The following NEK7 variants were observed in gnomAD, a reference collection of about 807,000 sequenced individuals.
NEK7 encodes NIMA related kinase 7.
In NEK7, 18 loss-of-function variants were observed where a neutral mutation model predicts 44.6. That is an observed-to-expected ratio of 0.40 (90% CI 0.28 to 0.60). The LOEUF (loss-of-function observed/expected upper bound fraction) is 0.60. Among genes scored for constraint, NEK7 ranks in the 20% least tolerant of loss-of-function variants. The probability of loss-of-function intolerance (pLI) is 0.38; values close to 1 mark genes in which losing one functional copy is unlikely to be tolerated. For missense variants in NEK7, 256 were observed against 366.5 expected, an observed-to-expected ratio of 0.70 and a Z score of 2.46; for synonymous variants, 130 against 121.1, an observed-to-expected ratio of 1.07 and a Z score of -0.48.
chr1:198,196,236 G>A (rs1665232542), intron 1 of NEK7, among the ~76,000 whole-genome samples: 1 of 152,164 alleles, frequency 6.6e-6, no homozygotes, highest in South Asian at 2.1e-4. Flanking sequence ...TCAGGAAAGG[G>A]TTATCACAAG....
intron 1 of NEK7, among the ~76,000 whole-genome samples, chr1:198,215,036 A>G (rs1665877571): frequency 6.6e-6 from 1 of 152,228 alleles, no homozygotes; most frequent in Non-Finnish European, 1.5e-5. Flanking sequence ...TAGTCTCCTT[A>G]AAAAGAATAA....
At chr1:198,305,782 T>C (rs2103026520) in intron 9 of NEK7, among the ~76,000 whole-genome samples, 1 of 152,278 alleles carries the variant, frequency 6.6e-6, no homozygotes, top group African/African-American at 2.4e-5. Context: ...TGTTTTATGA[T>C]CAGAATTGGC....
rs912069374 is a variant in NEK7, at chr1:198,215,491, T to A, written c.-28-17062T>A. On this transcript the variant is annotated intron_variant, in intron 1 of 9. Coordinates refer to ENST00000367385, the MANE Select transcript of NEK7 (RefSeq NM_133494.3). Reference sequence around the variant, plus strand: ...AGATATTTTTGCATTTTTATTTTATTTATTTTTATTTTGCTCATCAGCTGT... The same window carrying A: ...AGATATTTTTGCATTTTTATTTTATATATTTTTATTTTGCTCATCAGCTGT... Among the ~76,000 whole-genome samples, 4 of 152,204 alleles carry A rather than the reference T, an allele frequency of 2.6e-5. 1 individual carries two copies. The highest frequency in any genetic ancestry group is 9.6e-5 in the African/African-American group (4 of 41,460).
intron 1 of NEK7, among the ~76,000 whole-genome samples, chr1:198,192,780 CAT>C (rs921361765): frequency 2.0e-5 from 3 of 151,990 alleles, no homozygotes; most frequent in Non-Finnish European, 2.9e-5. Flanking sequence ...ACAGAGACAA[CAT>C]GTGAGAATCT....
chr1:198,200,659 T>G (rs1242085264), intron 1 of NEK7, among the ~76,000 whole-genome samples: 1 of 151,936 alleles, frequency 6.6e-6, no homozygotes, highest in Non-Finnish European at 1.5e-5. Flanking sequence ...CAAGTGATTC[T>G]CCTGCCTTAG....
At chr1:198,295,050 A>T (rs1337315731) in intron 8 of NEK7, among the ~76,000 whole-genome samples, 3 of 151,808 alleles carry the variant, frequency 2.0e-5, no homozygotes, top group South Asian at 2.1e-4. Context: ...TGTATTTTAA[A>T]CTCAGAAAAT....
chr1:198,300,874 T>C lies in NEK7; in HGVS notation c.798+3634T>C, dbSNP rs1253681384. On this transcript the variant is annotated intron_variant, in intron 9 of 9. Coordinates refer to ENST00000367385, the MANE Select transcript of NEK7 (RefSeq NM_133494.3). ...TCACAAGATAGGCCAGAGGATGTGATAGTTTTCTTTTATTGATATTACTTT... is the reference window on the plus strand; with the variant it reads ...TCACAAGATAGGCCAGAGGATGTGACAGTTTTCTTTTATTGATATTACTTT... 2.0e-5 allele frequency among the ~76,000 whole-genome samples: 3 copies of C among 152,208 alleles called. No homozygotes were observed. In the East Asian group the frequency reaches 5.8e-4, roughly 29 times the overall value.
At chr1:198,271,928 C>T (rs12037094) in intron 5 of NEK7, among the ~76,000 whole-genome samples, 13,662 of 142,310 alleles carry the variant, frequency 0.096, 1,047 homozygotes, top group East Asian at 0.42. Context: ...TATATATACA[C>T]ACACACACAC....
At chr1:198,193,065 A>G (rs1204088647) in intron 1 of NEK7, among the ~76,000 whole-genome samples, 3 of 151,826 alleles carry the variant, frequency 2.0e-5, no homozygotes, top group Non-Finnish European at 4.4e-5. Context: ...ACTGGTAGCT[A>G]AACTAATAAA....
intron 1 of NEK7, among the ~76,000 whole-genome samples, chr1:198,213,792 G>A (rs1309587652): frequency 6.6e-6 from 1 of 152,140 alleles, no homozygotes; most frequent in East Asian, 1.9e-4. Flanking sequence ...TCTGTCAAGG[G>A]TGGGACCTCT....
chr1:198,228,022 A>G (rs985436744), intron 1 of NEK7, among the ~76,000 whole-genome samples: 1 of 152,138 alleles, frequency 6.6e-6, no homozygotes, highest in African/African-American at 2.4e-5. Context: ...TAAGTCTTTA[A>G]TCCATCTTGA....
chr1:198,264,494 G>A (rs531751614), intron 5 of NEK7, among the ~76,000 whole-genome samples: 26 of 152,102 alleles, frequency 1.7e-4, no homozygotes, highest in African/African-American at 4.8e-4. Context: ...CTTGTCTTCT[G>A]TAAGTTGAGT....
chr1:198,275,433 C>G (rs902343767), intron 5 of NEK7, among the ~76,000 whole-genome samples: 1 of 150,372 alleles, frequency 6.7e-6, no homozygotes, highest in Non-Finnish European at 1.5e-5. Flanking sequence ...TTATTTATTG[C>G]TATATTAAAA....
chr1:198,291,613 T>G (rs1285394841), intron 7 of NEK7, among the ~76,000 whole-genome samples: 1 of 152,204 alleles, frequency 6.6e-6, no homozygotes. Context: ...GTATTTTATT[T>G]AAGTTTCTTA....
intron 1 of NEK7, among the ~76,000 whole-genome samples, chr1:198,165,616 C>T (rs763259494): frequency 2.6e-5 from 4 of 152,294 alleles, no homozygotes; most frequent in Non-Finnish European, 2.9e-5. Context: ...AACTGATGTG[C>T]TGTTGCCCAG....
chr1:198,305,395 T>C (rs1377666987), intron 9 of NEK7, among the ~76,000 whole-genome samples: 1 of 152,162 alleles, frequency 6.6e-6, no homozygotes, highest in African/African-American at 2.4e-5. Context: ...TTAAAATAAC[T>C]TTATTCCTTC....
intron 4 of NEK7, among the ~76,000 whole-genome samples, chr1:198,263,274 C>G (rs1653538172): frequency 1.3e-5 from 2 of 151,780 alleles, no homozygotes; most frequent in Admixed American, 6.6e-5. Context: ...TAAAATGAAC[C>G]AGATTTATGC....
intron 2 of NEK7, among the ~76,000 whole-genome samples, chr1:198,243,468 G>C (rs140225431): frequency 6.6e-6 from 1 of 152,148 alleles, no homozygotes; most frequent in Non-Finnish European, 1.5e-5. Flanking sequence ...AGCTGGTAGT[G>C]CTCATAGGGA....
chr1:198,256,366 G>A (rs1303906314), intron 3 of NEK7: 17 of 1,611,462 alleles, frequency 1.1e-5, no homozygotes, highest in Non-Finnish European at 1.3e-5. Flanking sequence ...GAGTGTGTGC[G>A]CTAAATGCAT....
Sources: allele counts gnomAD v4.1 joint callset (sites outside exome capture counted in the v4.1 genomes callset), GRCh38; gene constraint gnomAD v4.1.1; transcripts MANE v1.5; gene names NCBI Gene and HGNC (gene_info 2026-07-23, HGNC 2026-07-21).